AFF1: variants seen among roughly 807,000 people sequenced by gnomAD.
AFF1 encodes AF4/FMR2 family member 1.
Under a neutral mutation model 121.7 loss-of-function variants are expected in AFF1, and 48 were observed. The ratio of observed to expected loss-of-function variants is 0.39; its 90% CI spans 0.31 to 0.50. The LOEUF (loss-of-function observed/expected upper bound fraction) is 0.50. Among genes scored for constraint, AFF1 ranks in the 20% least tolerant of loss-of-function variants. AFF1 has a pLI of 0.76. For synonymous variants in AFF1, 613 were observed against 563.0 expected, an observed-to-expected ratio of 1.09 and a Z score of -1.26; for missense variants, 1,523 against 1,511.7, an observed-to-expected ratio of 1.01 and a Z score of -0.12.
intron 4 of AFF1, among the ~76,000 whole-genome samples, chr4:87,054,085 C>T (rs892671316): frequency 1.4e-4 from 22 of 152,222 alleles, no homozygotes; most frequent in African/African-American, 4.6e-4. Context: ...AGCCCAGTAC[C>T]ATAGATCAAA....
intron 4 of AFF1, among the ~76,000 whole-genome samples, chr4:87,064,246 C>G (rs910871660): frequency 2.0e-5 from 3 of 152,086 alleles, no homozygotes; most frequent in Non-Finnish European, 2.9e-5. Flanking sequence ...TGACCTGGGT[C>G]ACAAATTTAG....
intron 4 of AFF1, among the ~76,000 whole-genome samples, chr4:87,057,638 A>G (rs17012323): frequency 0.014 from 2,081 of 152,272 alleles, 60 homozygotes; most frequent in African/African-American, 0.047. Context: ...GGAATTAGTG[A>G]TGTTGGGGAG....
chr4:87,013,666 CTTTTTTTTTTT>C (rs11322791), intron 2 of AFF1, among the ~76,000 whole-genome samples: 1 of 135,368 alleles, frequency 7.4e-6, no homozygotes, highest in Non-Finnish European at 1.6e-5. Flanking sequence ...AAGATCTTAC[CTTTTTTTTTTT>C]TTTTTTTAAG....
intron 2 of AFF1, chr4:87,007,560 T>C: frequency 3.3e-6 from 4 of 1,209,208 alleles, no homozygotes; most frequent in East Asian, 4.9e-5. Context: ...TTCCCGAGGC[T>C]GTGGCTTGAC....
chr4:87,132,001 C>G, intron 18 of AFF1, 137 bp downstream of exon 18: 2 of 823,670 alleles, frequency 2.4e-6, no homozygotes, highest in Non-Finnish European at 1.8e-6. Flanking sequence ...AGGTTAATCC[C>G]TCACTGATAG....
At chr4:86,947,400 A>T (rs1234824867) in intron 1 of AFF1, among the ~76,000 whole-genome samples, 1 of 152,214 alleles carries the variant, frequency 6.6e-6, no homozygotes, top group East Asian at 1.9e-4. Context: ...CGGGAGTAAG[A>T]ATAGAGCTGT....
At chr4:87,028,708 A>G (rs1728775417) in intron 2 of AFF1, among the ~76,000 whole-genome samples, 1 of 152,240 alleles carries the variant, frequency 6.6e-6, no homozygotes, top group Non-Finnish European at 1.5e-5. Flanking sequence ...ACACTGAAGG[A>G]AAGTGGAGAC....
At chr4:87,043,242 C>T (rs2149606351) in intron 2 of AFF1, among the ~76,000 whole-genome samples, 1 of 152,236 alleles carries the variant, frequency 6.6e-6, no homozygotes, top group South Asian at 2.1e-4. Context: ...GGAGAACTCC[C>T]TTGGTGGTGA....
At chr4:86,964,275 C>A (rs2149471664) in intron 2 of AFF1, among the ~76,000 whole-genome samples, 1 of 151,224 alleles carries the variant, frequency 6.6e-6, no homozygotes, top group African/African-American at 2.4e-5. Flanking sequence ...AGGTGCGCAC[C>A]ACCACATCCA....
At chr4:86,952,272 AGAGTT>A (rs1306263675) in intron 2 of AFF1, among the ~76,000 whole-genome samples, 28 of 152,176 alleles carry the variant, frequency 1.8e-4, no homozygotes, top group Middle Eastern at 3.2e-3. Flanking sequence ...TTCATCAGTT[AGAGTT>A]GACTACTGTA....
At chr4:87,003,379 T>G (rs1016947760) in intron 2 of AFF1, among the ~76,000 whole-genome samples, 2 of 152,214 alleles carry the variant, frequency 1.3e-5, no homozygotes, top group East Asian at 3.8e-4. Flanking sequence ...TCCTCTTGCC[T>G]CAGCCTCCCA....
At chr4:87,012,174 A>G (rs1726830054) in intron 2 of AFF1, among the ~76,000 whole-genome samples, 1 of 149,542 alleles carries the variant, frequency 6.7e-6, no homozygotes, top group African/African-American at 2.5e-5. Context: ...TTTGAGGTAT[A>G]TATAAACTTA....
intron 12 of AFF1, among the ~76,000 whole-genome samples, chr4:87,123,608 GGA>G (rs1727934062): frequency 6.6e-6 from 1 of 152,220 alleles, no homozygotes; most frequent in Admixed American, 6.5e-5. Context: ...CTTTTCCAAA[GGA>G]GCCTGTGAAG....
chr4:87,049,958 A>G (rs559352279), intron 4 of AFF1, among the ~76,000 whole-genome samples: 10 of 152,332 alleles, frequency 6.6e-5, no homozygotes, highest in Admixed American at 5.2e-4. Context: ...CAGACTTAGC[A>G]TTAATTTTCT....
intron 12 of AFF1, among the ~76,000 whole-genome samples, chr4:87,121,804 C>T (rs1257152021): frequency 6.6e-6 from 1 of 152,218 alleles, no homozygotes; most frequent in Admixed American, 6.5e-5. Flanking sequence ...ACTGCATTCT[C>T]TCTTGTTGGC....
chr4:87,108,374 TAG>T (rs1187124505), intron 11 of AFF1, 59 bp downstream of exon 11: 2 of 1,572,896 alleles, frequency 1.3e-6, no homozygotes, highest in African/African-American at 1.3e-5. Flanking sequence ...CCTTTGAAGT[TAG>T]AGTCAGTGCT....
Position 87,131,883 on chromosome 4 carries a change from C to G in AFF1, c.3173+19C>G. On this transcript the variant is annotated intron_variant, in intron 18 of 20. Transcript: ENST00000395146. ...TTTTATGGTGCGTATTTTCCTTTGT[C>G]TAAATAGTACTAAATTTGTTTTTGC... The G allele has an allele frequency of 5.2e-6, 8 of 1,524,426 alleles. No individual in the cohort carries two copies. The highest frequency in any genetic ancestry group is 2.4e-5 in the Admixed American group (1 of 40,978). 94.4% of individuals were successfully genotyped at this position (1,524,426 alleles called of 1,614,324 possible).
intron 2 of AFF1, among the ~76,000 whole-genome samples, chr4:86,959,532 TGGG>T (rs1721998307): frequency 6.8e-6 from 1 of 146,970 alleles, no homozygotes; most frequent in African/African-American, 2.5e-5. Flanking sequence ...CTGGTAGAGA[TGGG>T]GGAAAAAATG....
At chr4:86,939,045 A>G (rs1720257330) in intron 1 of AFF1, among the ~76,000 whole-genome samples, 1 of 152,240 alleles carries the variant, frequency 6.6e-6, no homozygotes. Flanking sequence ...TTCATTCCTA[A>G]TACCGCGTAA....
Sources: allele counts gnomAD v4.1 joint callset (sites outside exome capture counted in the v4.1 genomes callset), GRCh38; gene constraint gnomAD v4.1.1; transcripts MANE v1.5; gene names NCBI Gene and HGNC (gene_info 2026-07-23, HGNC 2026-07-21).